EGFLAM: variants seen among roughly 807,000 people sequenced by gnomAD.
EGFLAM encodes EGF like, fibronectin type III and laminin G domains, also known as pikachurin.
A neutral mutation model predicts 113.1 loss-of-function variants in EGFLAM; 79 were observed. The observed-to-expected ratio is 0.70, with a 90% confidence interval of 0.58 to 0.84. The LOEUF (loss-of-function observed/expected upper bound fraction) is 0.84. EGFLAM is among the 40% of genes least tolerant of loss of function. The probability of loss-of-function intolerance (pLI) is 0.00; values close to 1 mark genes in which losing one functional copy is unlikely to be tolerated. For synonymous variants in EGFLAM, 504 were observed against 487.6 expected, an observed-to-expected ratio of 1.03 and a Z score of -0.44; for missense variants, 1,265 against 1,291.6, an observed-to-expected ratio of 0.98 and a Z score of 0.32.
intron 5 of EGFLAM, among the ~76,000 whole-genome samples, chr5:38,354,728 T>C (rs1267308720): frequency 6.6e-6 from 1 of 151,956 alleles, no homozygotes; most frequent in African/African-American, 2.4e-5. Flanking sequence ...AGATTCTGTC[T>C]CCCAAAAAAA....
At position 38,258,639 on chromosome 5, in the gene EGFLAM, C is replaced by G. The variant is rs947293451; in HGVS notation, c.-116C>G. 1.2e-5 allele frequency: 14 copies of G among 1,208,568 alleles called. No homozygotes were observed. Among genetic ancestry groups the G allele is most frequent in the Non-Finnish European group, 1.2e-6 (1 of 838,920 alleles). The allele number at this position is 1,208,568 out of a possible 1,614,324, so 74.9% of individuals were successfully genotyped here. A position where few individuals can be genotyped will look rare whatever the true frequency, so the allele number is the denominator to read the frequency against. On this transcript the variant is annotated 5_prime_UTR_variant, in exon 1 of 22. Coordinates refer to ENST00000322350, the MANE Select transcript of EGFLAM (RefSeq NM_152403.4). ...TCCGGGCCCAGCCCTCGCAGCCCCC[C>G]ACCTCCTCGCCCCGGCCCGGGGATC...
intron 18 of EGFLAM, among the ~76,000 whole-genome samples, chr5:38,449,749 A>G (rs1359559637): frequency 6.6e-6 from 1 of 152,130 alleles, no homozygotes; most frequent in African/African-American, 2.4e-5. Context: ...AGTCAAGTTC[A>G]GGGTCTATTT....
Position 38,463,027 on chromosome 5 carries a change from T to C in EGFLAM, c.2875+16T>C. 6.2e-7 allele frequency: 1 copy of C among 1,606,920 alleles called. No homozygotes were observed. The highest frequency in any genetic ancestry group is 1.3e-5 in the African/African-American group (1 of 74,896). On this transcript the variant is annotated intron_variant, in intron 21 of 21. Transcript: ENST00000322350. Reference sequence around the variant, plus strand: ...CTGTATGTGGGTAAGTGACCGACCCTCGACCAAAGCAAAATTAGGCCAGTG... The same window carrying C: ...CTGTATGTGGGTAAGTGACCGACCCCCGACCAAAGCAAAATTAGGCCAGTG...
chr5:38,345,504 A>G (rs1739451577), intron 3 of EGFLAM: 1 of 152,200 alleles, frequency 6.6e-6, no homozygotes, highest in African/African-American at 2.4e-5. Context: ...TTGAGCAGAC[A>G]AAGGGGTTTT....
At chr5:38,272,205 C>A (rs887453136) in intron 1 of EGFLAM, among the ~76,000 whole-genome samples, 18 of 152,158 alleles carry the variant, frequency 1.2e-4, no homozygotes, top group African/African-American at 4.3e-4. Flanking sequence ...TGTTCAATAC[C>A]TAGAGAACAG....
At chr5:38,452,284 G>A (rs766754857) in intron 19 of EGFLAM, among the ~76,000 whole-genome samples, 1 of 151,918 alleles carries the variant, frequency 6.6e-6, no homozygotes, top group African/African-American at 2.4e-5. Context: ...CACCCGCTTC[G>A]GCCTCCCAAA....
At chr5:38,379,945 A>G (rs1041988868) in intron 6 of EGFLAM, among the ~76,000 whole-genome samples, 4 of 152,176 alleles carry the variant, frequency 2.6e-5, no homozygotes, top group Admixed American at 6.5e-5. Flanking sequence ...AAATTTTTCT[A>G]TAAAGGGCAA....
At chr5:38,309,682 G>A (rs1308706354) in intron 1 of EGFLAM, among the ~76,000 whole-genome samples, 2 of 152,186 alleles carry the variant, frequency 1.3e-5, no homozygotes, top group East Asian at 1.9e-4. Flanking sequence ...TGTTTGTACC[G>A]TAAAGCATAC....
Position 38,258,849 on chromosome 5 carries a change from C to G in EGFLAM, c.95C>G (p.Pro32Arg), listed in dbSNP as rs1369937797. ...AVSLRAAIRK[P>R]GKVGPPLDIK... ...TCGCTCCGAGCGGCCATCCGAAAAC[C>G]AGGTAATGCGCTCCTCCGCCCAGAG... is the stretch of plus-strand genomic sequence containing the variant. The change falls in exon 1 of 22, where the codon CCA becomes CGA. Residue 32 changes from proline to arginine, a missense_variant and splice_region_variant. By Grantham distance (103) the Pro-to-Arg change is moderately radical. Coordinates refer to ENST00000322350, the MANE Select transcript of EGFLAM (RefSeq NM_152403.4). The G allele has an allele frequency of 6.2e-7, 1 of 1,611,556 alleles. No homozygotes were observed. The highest frequency in any genetic ancestry group is 8.5e-7 in the Non-Finnish European group (1 of 1,179,222).
At chr5:38,388,496 C>T (rs1206162229) in intron 6 of EGFLAM, among the ~76,000 whole-genome samples, 1 of 152,034 alleles carries the variant, frequency 6.6e-6, no homozygotes, top group East Asian at 1.9e-4. Flanking sequence ...TGTAATCCTA[C>T]ACTTTGGAAG....
intron 1 of EGFLAM, among the ~76,000 whole-genome samples, chr5:38,265,946 AG>A (rs1263618871): frequency 3.3e-5 from 5 of 152,202 alleles, no homozygotes; most frequent in African/African-American, 1.2e-4. Context: ...ACCTCGACCC[AG>A]GTACTCTGTG....
chr5:38,429,732 A>T (rs1742129466), intron 14 of EGFLAM, among the ~76,000 whole-genome samples: 1 of 152,220 alleles, frequency 6.6e-6, no homozygotes, highest in Non-Finnish European at 1.5e-5. Flanking sequence ...ATATAGAAAA[A>T]TTGGAAGAAT....
chr5:38,349,616 T>C (rs1488471866), intron 3 of EGFLAM, among the ~76,000 whole-genome samples: 1 of 152,070 alleles, frequency 6.6e-6, no homozygotes, highest in Non-Finnish European at 1.5e-5. Context: ...TCCACTACAA[T>C]GGGCTGCTGC....
Position 38,352,338 on chromosome 5 carries a change from C to A in EGFLAM, c.545+7C>A. On this transcript the variant is annotated splice_region_variant and intron_variant, in intron 5 of 21. Coordinates refer to ENST00000322350, the MANE Select transcript of EGFLAM (RefSeq NM_152403.4). ...ATTCTGTGGAATTCATCAGGTAAGT[C>A]TGTATGTCACATTCAAAAGCCAAAT... 1 of 1,613,708 alleles carries A rather than the reference C, an allele frequency of 6.2e-7. No individual in the cohort carries two copies. Among genetic ancestry groups the A allele is most frequent in the Non-Finnish European group, 8.5e-7 (1 of 1,179,758 alleles).
chr5:38,270,344 T>A (rs1027825096), intron 1 of EGFLAM, among the ~76,000 whole-genome samples: 7 of 152,234 alleles, frequency 4.6e-5, no homozygotes, highest in Non-Finnish European at 8.8e-5. Context: ...CCATCCTTTT[T>A]AGTAGCAAAT....
At chr5:38,325,274 T>C (rs1048134930) in intron 1 of EGFLAM, among the ~76,000 whole-genome samples, 1 of 152,190 alleles carries the variant, frequency 6.6e-6, no homozygotes, top group Non-Finnish European at 1.5e-5. Flanking sequence ...TAGACCTCAG[T>C]TTCTTCATCT....
chr5:38,389,181 A>C (rs145151257), intron 6 of EGFLAM, among the ~76,000 whole-genome samples: 1 of 152,292 alleles, frequency 6.6e-6, no homozygotes, highest in Non-Finnish European at 1.5e-5. Context: ...GGATGATCGA[A>C]CTTGACAGAA....
Position 38,280,309 on chromosome 5 carries a change from G to A in EGFLAM, c.97+21458G>A, listed in dbSNP as rs189900878. ...ACTCACGTACTGGTGGGTTTGCTACGATTGTCCTGCTCTTCACTCCACAGT... is the reference window on the plus strand; with the variant it reads ...ACTCACGTACTGGTGGGTTTGCTACAATTGTCCTGCTCTTCACTCCACAGT... On this transcript the variant is annotated intron_variant, in intron 1 of 21. Transcript: ENST00000322350. Among the ~76,000 whole-genome samples the A allele has an allele frequency of 7.2e-5, 11 of 152,284 alleles. No homozygotes were observed. The South Asian group carries it at 1.0e-3, about 14-fold the overall frequency.
chr5:38,460,201 T>C (rs1041376380), intron 20 of EGFLAM, among the ~76,000 whole-genome samples: 1 of 152,210 alleles, frequency 6.6e-6, no homozygotes, highest in African/African-American at 2.4e-5. Flanking sequence ...ACAACACCCT[T>C]CTCCCAGTTT....
Sources: allele counts gnomAD v4.1 joint callset (sites outside exome capture counted in the v4.1 genomes callset), GRCh38; gene constraint gnomAD v4.1.1; transcripts MANE v1.5; gene names NCBI Gene and HGNC (gene_info 2026-07-23, HGNC 2026-07-21).